Variants in SPEN observed in about 807,000 individuals in gnomAD.
SPEN encodes msx2-interacting protein.
Under a neutral mutation model 269.9 loss-of-function variants are expected in SPEN, and 18 were observed. The ratio of observed to expected loss-of-function variants is 0.07; its 90% CI spans 0.05 to 0.10. The LOEUF (loss-of-function observed/expected upper bound fraction) is 0.10. Among genes scored for constraint, SPEN ranks in the 10% least tolerant of loss-of-function variants. The pLI is 1.00. For missense variants in SPEN, 3,822 were observed against 4,631.2 expected (o/e 0.83, Z 5.07); for synonymous variants, 1,726 against 1,765.7 (o/e 0.98, Z 0.56).
At chr1:15,886,700 G>A (rs1049827418) in intron 3 of SPEN, among the ~76,000 whole-genome samples, 1 of 152,182 alleles carries the variant, frequency 6.6e-6, no homozygotes, top group African/African-American at 2.4e-5. Context: ...TACGGCTTCT[G>A]TAAAACTGCT....
intron 1 of SPEN, among the ~76,000 whole-genome samples, chr1:15,849,656 C>G (rs2070313592): frequency 6.6e-6 from 1 of 152,066 alleles, no homozygotes; most frequent in Non-Finnish European, 1.5e-5. Flanking sequence ...CACCTCTGTG[C>G]CCTAGGATGA....
rs1044633425 is a variant in SPEN at position 15,874,240 on chromosome 1, T to C, written c.404+1104T>C. The C allele has an allele frequency of 2.2e-6, 3 of 1,366,458 alleles. No individual in the cohort carries two copies. In the African/African-American group the frequency reaches 4.4e-5, roughly 20 times the overall value. 84.6% of individuals were successfully genotyped at this position (1,366,458 alleles called of 1,614,324 possible). A position where few individuals can be genotyped will look rare whatever the true frequency, so the allele number is the denominator to read the frequency against. On this transcript the variant is annotated intron_variant, in intron 2 of 14. Coordinates refer to ENST00000375759, the MANE Select transcript of SPEN (RefSeq NM_015001.3). Reference sequence around the variant, plus strand: ...ATTTTGTCTGGTCACTAAGATTTTTTTTTTCTTGTGGTTCATCTAAATATC... The same window carrying C: ...ATTTTGTCTGGTCACTAAGATTTTTCTTTTCTTGTGGTTCATCTAAATATC...
At chr1:15,863,660 T>A (rs774932429) in intron 1 of SPEN, among the ~76,000 whole-genome samples, 10 of 151,994 alleles carry the variant, frequency 6.6e-5, no homozygotes, top group African/African-American at 9.7e-5. Context: ...AGGCAACATG[T>A]TGAGACCTCA....
In SPEN at chr1:15,919,007, A is replaced by G. The variant is rs1397071162; in HGVS notation, c.1477A>G (p.Ile493Val). The G allele has an allele frequency of 1.9e-6, 3 of 1,611,978 alleles. No homozygotes were observed. The highest frequency in any genetic ancestry group is 1.1e-5 in the South Asian group (1 of 90,832). The part of the protein sequence containing the change: ...YCDIASVCKA[I>V]KKMDGEYLGN... ...TGATATTGCTAGCGTTTGTAAAGCT[A>G]TTAAGAAGATGGATGGGGAATATCT... Residue 493 changes from isoleucine to valine, a missense_variant, in exon 7 of 15, where the codon ATT becomes GTT. Physicochemically the swap from Ile to Val is conservative, Grantham distance 29. Around this residue, in one of 16 missense-constraint regions of SPEN, gnomAD observed 230 missense variants for 426.1 expected, o/e 0.54. Coordinates refer to ENST00000375759, the MANE Select transcript of SPEN (RefSeq NM_015001.3).
intron 13 of SPEN, 155 bp from the exon 14 acceptor site, chr1:15,938,563 A>T: frequency 1.7e-6 from 1 of 577,256 alleles, no homozygotes; most frequent in Non-Finnish European, 2.8e-6. Flanking sequence ...GTTGAAAAAA[A>T]GCTTTTTTTT....
rs1351850946 is a variant in SPEN, at chr1:15,848,766, G to A, written c.83+616G>A. Reference sequence around the variant, plus strand: ...GGAATGGCAAACGTTTCTCGTTTTTGCGGGGCTGGGTGGAGAGTGGTGTGA... The same window carrying A: ...GGAATGGCAAACGTTTCTCGTTTTTACGGGGCTGGGTGGAGAGTGGTGTGA... On this transcript the variant is annotated intron_variant, in intron 1 of 14. Coordinates refer to ENST00000375759, the MANE Select transcript of SPEN (RefSeq NM_015001.3). The surrounding 1 kb of genome is among the most constrained non-coding windows in gnomAD (Gnocchi z 5.1). Among the ~76,000 whole-genome samples, 1 of 152,044 alleles carries A rather than the reference G, an allele frequency of 6.6e-6. No individual in the cohort carries two copies. Among genetic ancestry groups the A allele is most frequent in the Non-Finnish European group, 1.5e-5 (1 of 68,022 alleles).
Position 15,935,169 on chromosome 1 carries a change from A to G in SPEN, c.8929A>G (p.Asn2977Asp). ...CGAGACCAAGGTCCTTCAGCCGGCC[A>G]ACCTGGGGTCCACGCTCACGCCCCA... Reference protein sequence around the residue: ...KIETKVLQPANLGSTLTPHHP... With the variant: ...KIETKVLQPADLGSTLTPHHP... The change falls in exon 11 of 15, where the codon AAC becomes GAC. Residue 2977 changes from asparagine (N) to aspartate (D), a missense_variant. By Grantham distance (23) the Asn-to-Asp change is conservative. Coordinates refer to ENST00000375759, the MANE Select transcript of SPEN (RefSeq NM_015001.3). This position sits in a 1 kb window ranked among gnomAD's most constrained non-coding sequence, Gnocchi z 7.7. The G allele has an allele frequency of 6.2e-7, 1 of 1,613,982 alleles. No individual in the cohort carries two copies. The highest frequency in any genetic ancestry group is 8.5e-7 in the Non-Finnish European group (1 of 1,179,958).
Position 15,936,160 on chromosome 1 carries a change from G to A in SPEN, c.9920G>A (p.Arg3307Gln), listed in dbSNP as rs375642545. ...HSSGELFQEY[R>Q]YGDIRTYHPP... is the part of the protein sequence containing the mutation. ...AGCGGGGAGCTGTTTCAAGAGTACC[G>A]GTACGGCGACATCCGCACCTACCAC... The change falls in exon 11 of 15, where the codon CGG becomes CAG. Residue 3307 changes from arginine to glutamine, a missense_variant. Around this residue, in one of 16 missense-constraint regions of SPEN, gnomAD observed 359 missense variants for 377.3 expected, o/e 0.95. Coordinates refer to ENST00000375759, the MANE Select transcript of SPEN (RefSeq NM_015001.3). The A allele has an allele frequency of 1.1e-5, 18 of 1,609,726 alleles. No individual in the cohort carries two copies. Among genetic ancestry groups the A allele is most frequent in the South Asian group, 3.3e-5 (3 of 90,888 alleles).
chr1:15,931,454 C>G lies in SPEN; in HGVS notation c.5214C>G (p.Pro1738=). 6.2e-7 allele frequency: 1 copy of G among 1,614,126 alleles called. No individual in the cohort carries two copies. ...ATCTGGATGCCAAGCCTCCAACTCC[C>G]GGGGCCTCGTTTTCCCAGGCAGAGA... ...PPYLDAKPPT[P]GASFSQAESN... is the part of the protein sequence containing the mutation. Residue 1738 remains proline, a synonymous_variant, in exon 11 of 15, where the codon CCC becomes CCG. Coordinates refer to ENST00000375759, the MANE Select transcript of SPEN (RefSeq NM_015001.3). This position sits in a 1 kb window ranked among gnomAD's most constrained non-coding sequence, Gnocchi z 4.8.
In SPEN at chr1:15,928,635, C is replaced by T. The variant is rs373742929; in HGVS notation, c.2395C>T (p.Pro799Ser). 2.0e-5 allele frequency: 33 copies of T among 1,613,742 alleles called. No homozygotes were observed. Among genetic ancestry groups the T allele is most frequent in the Non-Finnish European group, 2.7e-5 (32 of 1,179,972 alleles). Residue 799 changes from proline to serine, a missense_variant, in exon 11 of 15, where the codon CCG (proline) becomes TCG (serine). Pro to Ser is a moderately conservative substitution (Grantham distance 74). This residue lies in a region of SPEN where 572 missense variants were observed against 582.6 expected (regional missense o/e 0.98). Transcript: ENST00000375759. The surrounding 1 kb of genome is among the most constrained non-coding windows in gnomAD (Gnocchi z 5.7). ...EKTDKERTFDPERVERERRLI... is the reference protein window; with the variant it reads ...EKTDKERTFDSERVERERRLI... ...GACAGATAAAGAACGAACTTTTGAT[C>T]CGGAGAGAGTGGAGAGAGAGAGACG... is the stretch of plus-strand genomic sequence containing the variant.
At chr1:15,918,393 A>G (rs1301025753) in intron 6 of SPEN, among the ~76,000 whole-genome samples, 1 of 152,154 alleles carries the variant, frequency 6.6e-6, no homozygotes, top group East Asian at 1.9e-4. Flanking sequence ...TAATTTTTGT[A>G]TTTTTAGTAG....
chr1:15,885,395 C>A (rs916788400), intron 3 of SPEN, among the ~76,000 whole-genome samples: 4 of 152,180 alleles, frequency 2.6e-5, no homozygotes, highest in Non-Finnish European at 4.4e-5. Context: ...TTGCTTTGGA[C>A]CTTTCCAACT....
At chr1:15,852,264 C>A (rs1413514258) in intron 1 of SPEN, among the ~76,000 whole-genome samples, 1 of 152,138 alleles carries the variant, frequency 6.6e-6, no homozygotes, top group African/African-American at 2.4e-5. Flanking sequence ...GAAACCACTT[C>A]TTGTCTATGG....
chr1:15,933,835 G>T lies in SPEN; in HGVS notation c.7595G>T (p.Ser2532Ile), dbSNP rs749588150. The change falls in exon 11 of 15, where the codon AGC becomes ATC. Residue 2532 changes from serine (S) to isoleucine (I), a missense_variant. Coordinates refer to ENST00000375759, the MANE Select transcript of SPEN (RefSeq NM_015001.3). The surrounding 1 kb of genome is among the most constrained non-coding windows in gnomAD (Gnocchi z 5.7). ...TKASDVDTSSSTLRKILMDPK... is the reference protein window; with the variant it reads ...TKASDVDTSSITLRKILMDPK... The stretch of plus-strand genomic sequence containing the variant: ...GCCTCTGATGTTGACACCAGCTCCA[G>T]CACCCTGAGGAAGATTCTCATGGAC... 3 of 1,613,104 alleles carry T rather than the reference G, an allele frequency of 1.9e-6. No homozygotes were observed.
chr1:15,911,628 C>G (rs796819039), intron 5 of SPEN, among the ~76,000 whole-genome samples: 2 of 152,104 alleles, frequency 1.3e-5, no homozygotes, highest in South Asian at 4.1e-4. Flanking sequence ...GGAGGTAGCT[C>G]CTAGGAGTGT....
chr1:15,921,553 G>A (rs2071120077), intron 9 of SPEN, among the ~76,000 whole-genome samples: 2 of 152,184 alleles, frequency 1.3e-5, no homozygotes, highest in African/African-American at 4.8e-5. Flanking sequence ...GGGTGCTGAT[G>A]CTCACACAGA....
At chr1:15,864,419 C>T (rs143705475) in intron 1 of SPEN, among the ~76,000 whole-genome samples, 2,839 of 150,188 alleles carry the variant, frequency 0.019, 81 homozygotes, top group African/African-American at 0.065. Context: ...ATCTGCCTGC[C>T]TTGGCTTCCC....
intron 1 of SPEN, among the ~76,000 whole-genome samples, chr1:15,855,502 T>G (rs2070377735): frequency 6.6e-6 from 1 of 152,200 alleles, no homozygotes; most frequent in Non-Finnish European, 1.5e-5. Context: ...ATATAGCGAT[T>G]TGTCTTTTAC....
Position 15,928,446 on chromosome 1 carries a change from A to G in SPEN, c.2206A>G (p.Ser736Gly). The G allele has an allele frequency of 8.1e-6, 13 of 1,614,130 alleles. No homozygotes were observed. Among genetic ancestry groups the G allele is most frequent in the Non-Finnish European group, 1.1e-5 (13 of 1,180,024 alleles). The change falls in exon 11 of 15, where the codon AGT (serine) becomes GGT (glycine). Residue 736 changes from serine to glycine, a missense_variant. Transcript: ENST00000375759. The surrounding 1 kb of genome is among the most constrained non-coding windows in gnomAD (Gnocchi z 5.7). The part of the protein sequence containing the change: ...QSPVHLRRPQ[S>G]PGASPSQAER... ...TCCTGTTCACTTGCGACGTCCACAG[A>G]GTCCTGGAGCGTCTCCCTCTCAGGC... is the stretch of plus-strand genomic sequence containing the variant.
Sources: gnomAD v4.1 joint callset for allele counts (sites outside exome capture counted in the v4.1 genomes callset) on GRCh38, gnomAD v4.1.1 for gene constraint, gnomAD v4.1.1 regional missense constraint, Gnocchi (gnomAD v3.1) non-coding constraint, MANE v1.5 for transcripts, NCBI Gene and HGNC (gene_info 2026-07-23, HGNC 2026-07-21) for gene names.